Variants in ACACA observed in about 807,000 individuals in gnomAD.
The protein encoded by ACACA is acetyl-CoA carboxylase alpha.
Under a neutral mutation model 296.1 loss-of-function variants are expected in ACACA, and 103 were observed. The observed-to-expected ratio is 0.35, with a 90% confidence interval of 0.30 to 0.41. ACACA has a LOEUF of 0.41. ACACA is among the 10% of genes least tolerant of loss of function. ACACA has a pLI of 1.00. For missense variants in ACACA, 1,554 were observed against 2,989.7 expected, an observed-to-expected ratio of 0.52 and a Z score of 11.20; for synonymous variants, 953 against 1,038.6, an observed-to-expected ratio of 0.92 and a Z score of 1.58.
At chr17:37,242,126 C>T (rs533012432) in intron 22 of ACACA, 73 bp from the exon 23 acceptor site, 637 of 1,126,494 alleles carry the variant, frequency 5.7e-4, no homozygotes, top group Non-Finnish European at 7.5e-4. Context: ...CTCTATAGCA[C>T]GACCAGTAGG....
chr17:37,366,907 G>A (rs2049626167), intron 1 of ACACA: 1 of 152,130 alleles, frequency 6.6e-6, no homozygotes, highest in South Asian at 2.1e-4. Context: ...GACCAACATA[G>A]AGAAACCCTG....
chr17:37,381,896 G>A (rs1345135744), intron 1 of ACACA, among the ~76,000 whole-genome samples: 1 of 151,964 alleles, frequency 6.6e-6, no homozygotes, highest in Admixed American at 6.6e-5. Flanking sequence ...CAAAGTGCTG[G>A]GATTACAGGC....
chr17:37,343,092 C>G (rs1244154623), intron 1 of ACACA, among the ~76,000 whole-genome samples: 1 of 152,096 alleles, frequency 6.6e-6, no homozygotes, highest in Non-Finnish European at 1.5e-5. Flanking sequence ...ATTCTCCTGC[C>G]TCAGCCTTCC....
intron 52 of ACACA, among the ~76,000 whole-genome samples, chr17:37,104,159 A>C (rs1442533901): frequency 2.0e-5 from 3 of 152,206 alleles, no homozygotes; most frequent in Non-Finnish European, 4.4e-5. Context: ...TGTTTTAAGA[A>C]AGTTTACAAA....
At chr17:37,231,976 C>G (rs1163098058) in intron 25 of ACACA, among the ~76,000 whole-genome samples, 1 of 152,176 alleles carries the variant, frequency 6.6e-6, no homozygotes, top group Non-Finnish European at 1.5e-5. Context: ...AATTGTGTTA[C>G]AATGTCCCTT....
Position 37,330,364 on chromosome 17 carries a change from C to T in ACACA, c.147G>A (p.Glu49=). 1 of 1,614,222 alleles carries T rather than the reference C, an allele frequency of 6.2e-7. No individual in the cohort carries two copies. The highest frequency in any genetic ancestry group is 1.1e-5 in the South Asian group (1 of 91,086). ...DEPSPLAQPL[E]LNQHSRFIIG... is the part of the protein sequence containing the mutation. The stretch of plus-strand genomic sequence containing the variant: ...TTATGAATCGAGAGTGCTGGTTCAG[C>T]TCCAGAGGTTGGGCCAAGGGAGATG... The change falls in exon 3 of 56, where the codon GAG becomes GAA. Residue 49 remains glutamate, a synonymous_variant. Transcript: ENST00000616317.
chr17:37,404,192 AT>A (rs2051386694), intron 1 of ACACA, among the ~76,000 whole-genome samples: 1 of 152,190 alleles, frequency 6.6e-6, no homozygotes, highest in Admixed American at 6.5e-5. Context: ...AGATCTGGAT[AT>A]TTGCCTTAGC....
chr17:37,310,368 T>C (rs1002953912), intron 3 of ACACA, among the ~76,000 whole-genome samples: 1 of 152,136 alleles, frequency 6.6e-6, no homozygotes, highest in Admixed American at 6.5e-5. Flanking sequence ...TTAATGTCTA[T>C]AAGACATTCA....
intron 3 of ACACA, among the ~76,000 whole-genome samples, chr17:37,320,272 G>A (rs148497256): frequency 0.011 from 1,734 of 152,302 alleles, 37 homozygotes; most frequent in African/African-American, 0.038. Flanking sequence ...AGCACTTTGG[G>A]AGGCTGAGGT....
rs1233973529 is a variant in ACACA, at chr17:37,086,701, C to CTCA, written c.*612_*614dup. On this transcript the variant is annotated 3_prime_UTR_variant, in exon 56 of 56. Coordinates refer to ENST00000616317, the MANE Select transcript of ACACA (RefSeq NM_198834.3). ...CTGCTTCTTGGCTCACAGTTTTGCC[C>CTCA]TCATCTTTGAGTTCCTATGGAGCTT... is the stretch of plus-strand genomic sequence containing the variant. The CTCA allele has an allele frequency of 6.5e-6, 1 of 154,584 alleles. No individual in the cohort carries two copies. 9.6% of individuals were successfully genotyped at this position (154,584 alleles called of 1,614,324 possible). A position where few individuals can be genotyped will look rare whatever the true frequency, so the allele number is the denominator to read the frequency against.
intron 47 of ACACA, 127 bp downstream of exon 47, chr17:37,129,238 T>C: frequency 1.5e-6 from 2 of 1,330,522 alleles, no homozygotes; most frequent in Non-Finnish European, 2.1e-6. Context: ...TTCAGGTCTT[T>C]CTCATTTCTA....
chr17:37,146,698 G>GGAGAGAGAAA, intron 45 of ACACA, among the ~76,000 whole-genome samples: 1 of 147,936 alleles, frequency 6.8e-6, no homozygotes, highest in Admixed American at 6.8e-5. Context: ...GATTTGGAGA[G>GGAGAGAGAAA]GAGAGAGAAA....
At chr17:37,381,884 C>T (rs556430705) in intron 1 of ACACA, among the ~76,000 whole-genome samples, 234 of 152,178 alleles carry the variant, frequency 1.5e-3, no homozygotes, top group African/African-American at 5.2e-3. Flanking sequence ...GCCTTGGCCT[C>T]CCAAAGTGCT....
chr17:37,187,540 G>A (rs2077583598), intron 39 of ACACA, among the ~76,000 whole-genome samples: 1 of 152,192 alleles, frequency 6.6e-6, no homozygotes, highest in Non-Finnish European at 1.5e-5. Flanking sequence ...ATAGTAAAGA[G>A]CCCAAATATT....
intron 3 of ACACA, among the ~76,000 whole-genome samples, chr17:37,296,677 GC>G (rs1211543422): frequency 1.3e-5 from 2 of 151,832 alleles, no homozygotes; most frequent in African/African-American, 4.8e-5. Context: ...ACTCCCAAAG[GC>G]CCCACTTCTT....
chr17:37,161,291 T>C (rs2076450373), intron 42 of ACACA, among the ~76,000 whole-genome samples: 1 of 152,084 alleles, frequency 6.6e-6, no homozygotes, highest in South Asian at 2.1e-4. Context: ...GAGGACAATA[T>C]TCCCCTTCCA....
At chr17:37,111,127 A>G (rs1247171061) in intron 52 of ACACA, among the ~76,000 whole-genome samples, 2 of 151,818 alleles carry the variant, frequency 1.3e-5, no homozygotes, top group African/African-American at 4.8e-5. Flanking sequence ...CTGGGTAAAG[A>G]CTCCTGCTTT....
intron 55 of ACACA, 98 bp downstream of exon 55, chr17:37,088,840 A>AT (rs1216901325): frequency 6.8e-7 from 1 of 1,474,874 alleles, no homozygotes; most frequent in Admixed American, 1.7e-5. Flanking sequence ...TGCAGAGATC[A>AT]TAAGATTTCT....
intron 41 of ACACA, among the ~76,000 whole-genome samples, chr17:37,173,982 T>TTATTTATATATA (rs1555573869): frequency 5.1e-5 from 1 of 19,450 alleles, no homozygotes; most frequent in African/African-American, 1.7e-4. Flanking sequence ...CCTGGCTAAT[T>TTATTTATATATA]TATATATATA....
Sources: gnomAD v4.1 joint callset for allele counts (sites outside exome capture counted in the v4.1 genomes callset) on GRCh38, gnomAD v4.1.1 for gene constraint, MANE v1.5 for transcripts, NCBI Gene and HGNC (gene_info 2026-07-23, HGNC 2026-07-21) for gene names.